The following KCNIP4 variants were observed in gnomAD, a reference collection of about 807,000 sequenced individuals.
The protein encoded by KCNIP4 is Kv channel-interacting protein 4.
Under a neutral mutation model 34.0 loss-of-function variants are expected in KCNIP4, and 12 were observed. That is an observed-to-expected ratio of 0.35 (90% CI 0.23 to 0.57). The LOEUF is 0.57. Ranked by LOEUF, KCNIP4 falls within the 20% of genes least tolerant of loss-of-function variation. The pLI, the probability that KCNIP4 is intolerant of heterozygous loss-of-function variation, is 0.83. For missense variants in KCNIP4, 238 were observed against 311.7 expected (o/e 0.76, Z 1.78); for synonymous variants, 124 against 102.2 (o/e 1.21, Z -1.29).
At chr4:21,676,956 T>A (rs972782842) in intron 1 of KCNIP4, among the ~76,000 whole-genome samples, 6 of 149,024 alleles carry the variant, frequency 4.0e-5, no homozygotes, top group African/African-American at 1.5e-4. Flanking sequence ...GTCTTTTTCA[T>A]CCATCAATCT....
At chr4:21,015,450 A>C (rs1200550453) in intron 1 of KCNIP4, among the ~76,000 whole-genome samples, 1 of 142,032 alleles carries the variant, frequency 7.0e-6, no homozygotes, top group Non-Finnish European at 1.5e-5. Flanking sequence ...TATATATATT[A>C]TATCATATAA....
chr4:21,152,583 C>T (rs1388151543), intron 1 of KCNIP4, among the ~76,000 whole-genome samples: 1 of 151,488 alleles, frequency 6.6e-6, no homozygotes, highest in Non-Finnish European at 1.5e-5. Flanking sequence ...GGCTTGTCTG[C>T]AGTTTGTTTG....
intron 1 of KCNIP4, among the ~76,000 whole-genome samples, chr4:21,745,629 A>C: frequency 6.6e-6 from 1 of 152,178 alleles, no homozygotes; most frequent in African/African-American, 2.4e-5. Flanking sequence ...CACAAAAATT[A>C]AACTGACAAT....
intron 1 of KCNIP4, among the ~76,000 whole-genome samples, chr4:21,330,944 A>C (rs1328754684): frequency 6.6e-6 from 1 of 152,154 alleles, no homozygotes; most frequent in African/African-American, 2.4e-5. Context: ...GAAAGCTAAA[A>C]CCTGCCCCTT....
At chr4:21,158,138 C>G (rs985166897) in intron 1 of KCNIP4, among the ~76,000 whole-genome samples, 1 of 152,086 alleles carries the variant, frequency 6.6e-6, no homozygotes, top group African/African-American at 2.4e-5. Flanking sequence ...AACCCTGTAT[C>G]TGTTAAACAC....
chr4:21,715,298 A>AT (rs1248834327), intron 1 of KCNIP4, among the ~76,000 whole-genome samples: 1 of 151,508 alleles, frequency 6.6e-6, no homozygotes, highest in Non-Finnish European at 1.5e-5. Flanking sequence ...TGCCCGGCTA[A>AT]TTTTTCTATT....
intron 1 of KCNIP4, among the ~76,000 whole-genome samples, chr4:21,895,683 A>G (rs1024882858): frequency 6.6e-6 from 1 of 152,186 alleles, no homozygotes; most frequent in African/African-American, 2.4e-5. Flanking sequence ...AAGTATCTAT[A>G]GTCTGGATAG....
At chr4:21,095,833 T>C (rs1408941371) in intron 1 of KCNIP4, among the ~76,000 whole-genome samples, 1 of 152,308 alleles carries the variant, frequency 6.6e-6, no homozygotes, top group Non-Finnish European at 1.5e-5. Context: ...TGAAGAGTTC[T>C]GTACACGTTC....
Position 20,741,282 on chromosome 4 carries a change from T to C in KCNIP4, c.430-6547A>G, listed in dbSNP as rs865950681. ...ACAGAATATAGATTCTTCTCAGCAC[T>C]ACGTCACACTTATTCCAAAATTGAC... On this transcript the variant is annotated intron_variant, in intron 5 of 8. Coordinates refer to ENST00000382152, the MANE Select transcript of KCNIP4 (RefSeq NM_025221.6). Among the ~76,000 whole-genome samples, 25 of 152,152 alleles carry C rather than the reference T, an allele frequency of 1.6e-4. No individual in the cohort carries two copies. The Middle Eastern group carries it at 0.01, about 62-fold the overall frequency.
At chr4:21,424,557 C>G (rs2109640863) in intron 1 of KCNIP4, among the ~76,000 whole-genome samples, 1 of 150,502 alleles carries the variant, frequency 6.6e-6, no homozygotes, top group South Asian at 2.1e-4. Flanking sequence ...GGTGACAGAT[C>G]AAGACTCTGT....
chr4:21,585,885 C>G (rs1741573512), intron 1 of KCNIP4, among the ~76,000 whole-genome samples: 1 of 151,950 alleles, frequency 6.6e-6, no homozygotes, highest in African/African-American at 2.4e-5. Flanking sequence ...TACAATGGAT[C>G]ATGATTATAA....
At chr4:21,260,232 C>A (rs916640472) in intron 1 of KCNIP4, among the ~76,000 whole-genome samples, 1 of 152,116 alleles carries the variant, frequency 6.6e-6, no homozygotes, top group African/African-American at 2.4e-5. Flanking sequence ...CAATTTGAAA[C>A]ATTCTGGGCT....
chr4:21,652,357 C>T (rs1747563084), intron 1 of KCNIP4, among the ~76,000 whole-genome samples: 1 of 152,100 alleles, frequency 6.6e-6, no homozygotes, highest in South Asian at 2.1e-4. Flanking sequence ...TCTTTTGGTA[C>T]CATTTTGATG....
At chr4:21,270,430 T>G (rs1415087406) in intron 1 of KCNIP4, among the ~76,000 whole-genome samples, 1 of 152,168 alleles carries the variant, frequency 6.6e-6, no homozygotes, top group Non-Finnish European at 1.5e-5. Flanking sequence ...GTAAACGTGT[T>G]AAGATGATAG....
chr4:21,621,420 G>T (rs1744989518), intron 1 of KCNIP4, among the ~76,000 whole-genome samples: 1 of 152,100 alleles, frequency 6.6e-6, no homozygotes, highest in South Asian at 2.1e-4. Flanking sequence ...GGAGTGACGT[G>T]GTGTGAACAT....
chr4:21,627,359 T>G (rs1437900940), intron 1 of KCNIP4, among the ~76,000 whole-genome samples: 2 of 152,120 alleles, frequency 1.3e-5, no homozygotes, highest in Non-Finnish European at 1.5e-5. Context: ...CTACTCCATT[T>G]TTTCCCGATC....
At chr4:21,639,455 A>T (rs991647562) in intron 1 of KCNIP4, among the ~76,000 whole-genome samples, 1 of 152,222 alleles carries the variant, frequency 6.6e-6, no homozygotes, top group Non-Finnish European at 1.5e-5. Context: ...TTTAAAGAGA[A>T]TTATTTAATT....
At position 21,539,993 on chromosome 4, in the gene KCNIP4, A is replaced by G. The variant is rs372245173; in HGVS notation, c.61+408578T>C. Among the ~76,000 whole-genome samples, 762 of 129,500 alleles carry G rather than the reference A, an allele frequency of 5.9e-3. 9 individuals are homozygous for G. Among genetic ancestry groups the G allele is most frequent in the African/African-American group, 0.02 (724 of 35,946 alleles). The allele number at this position is 129,500 out of a possible 152,430, so 85.0% of individuals were successfully genotyped here. On this transcript the variant is annotated intron_variant, in intron 1 of 8. Coordinates refer to ENST00000382152, the MANE Select transcript of KCNIP4 (RefSeq NM_025221.6). The stretch of plus-strand genomic sequence containing the variant: ...ACTCCTTCTCAAAAACAAACAAACA[A>G]ACAGACAAAAAAAAAAAAAAAGAAT...
intron 1 of KCNIP4, among the ~76,000 whole-genome samples, chr4:21,795,356 G>A (rs73256549): frequency 0.35 from 52,406 of 151,814 alleles, 10,673 homozygotes; most frequent in Non-Finnish European, 0.48. Context: ...TGAGAAAAAC[G>A]TCTGTTGCGT....
Sources: gnomAD v4.1 joint callset for allele counts (sites outside exome capture counted in the v4.1 genomes callset) on GRCh38, gnomAD v4.1.1 for gene constraint, MANE v1.5 for transcripts, NCBI Gene and HGNC (gene_info 2026-07-23, HGNC 2026-07-21) for gene names.